LCOR: variants seen among roughly 807,000 people sequenced by gnomAD.
LCOR encodes ligand-dependent corepressor.
LCOR carries 14 observed loss-of-function variants against 64.4 expected under a neutral mutation model. The ratio of observed to expected loss-of-function variants is 0.22; its 90% CI spans 0.14 to 0.34. LCOR has a LOEUF of 0.34. Ranked by LOEUF, LCOR falls within the 10% of genes least tolerant of loss-of-function variation. The probability of loss-of-function intolerance (pLI) is 1.00; values close to 1 mark genes in which losing one functional copy is unlikely to be tolerated. For missense variants in LCOR, 1,686 were observed against 1,765.3 expected (o/e 0.96, Z 0.80); for synonymous variants, 643 against 642.5 (o/e 1.00, Z -0.01).
intron 2 of LCOR, among the ~76,000 whole-genome samples, chr10:96,881,478 T>C (rs1846262026): frequency 6.6e-6 from 1 of 151,618 alleles, no homozygotes; most frequent in Admixed American, 6.6e-5. Flanking sequence ...TTTTTTGAGA[T>C]GGAGTTTTGC....
At chr10:96,849,271 C>A (rs537150201) in intron 2 of LCOR, among the ~76,000 whole-genome samples, 1 of 152,016 alleles carries the variant, frequency 6.6e-6, no homozygotes, top group South Asian at 2.1e-4. Flanking sequence ...GACAGGGTTT[C>A]ACTGTGTTAG....
intron 7 of LCOR, chr10:96,959,187 G>A (rs989184612): frequency 7.2e-5 from 11 of 151,966 alleles, no homozygotes; most frequent in African/African-American, 2.4e-4. Flanking sequence ...CTAGTTTGGG[G>A]ATGTCCTCAC....
rs1328089100 is a variant in LCOR, at chr10:96,993,304, T to C, written c.*8170T>C. ...CCTCCCTTTGTCTTTTCTAAACAAA[T>C]GAGGCAGACACTTGAACAGTAATGC... is the stretch of plus-strand genomic sequence containing the variant. On this transcript the variant is annotated 3_prime_UTR_variant, in exon 8 of 8. Coordinates refer to ENST00000421806, the MANE Select transcript of LCOR (RefSeq NM_001346516.2). 6.6e-6 allele frequency: 1 copy of C among 152,226 alleles called. No homozygotes were observed. Among genetic ancestry groups the C allele is most frequent in the Non-Finnish European group, 1.5e-5 (1 of 68,038 alleles). The allele number at this position is 152,226 out of a possible 1,614,324, so 9.4% of individuals were successfully genotyped here.
chr10:96,914,257 C>T (rs148935066), intron 4 of LCOR, among the ~76,000 whole-genome samples: 9 of 152,284 alleles, frequency 5.9e-5, no homozygotes, highest in South Asian at 4.1e-4. Flanking sequence ...AGTACAGTGG[C>T]GCCATCTTGG....
intron 2 of LCOR, among the ~76,000 whole-genome samples, chr10:96,851,668 A>G (rs1405283670): frequency 1.3e-5 from 2 of 152,224 alleles, no homozygotes; most frequent in African/African-American, 2.4e-5. Context: ...GCCATCCAGA[A>G]GAATTCCTCC....
At chr10:96,959,172 A>C (rs1269529184) in intron 7 of LCOR, 1 of 151,958 alleles carries the variant, frequency 6.6e-6, no homozygotes, top group Non-Finnish European at 1.5e-5. Context: ...TTCAGTGTAG[A>C]TATTCTAGTT....
At chr10:96,840,966 T>A (rs1280322789) in intron 2 of LCOR, among the ~76,000 whole-genome samples, 1 of 152,036 alleles carries the variant, frequency 6.6e-6, no homozygotes, top group Non-Finnish European at 1.5e-5. Context: ...GGTGAAACCT[T>A]GTCTCCACAC....
chr10:96,901,350 T>A (rs1042220451), intron 2 of LCOR, among the ~76,000 whole-genome samples: 1 of 152,170 alleles, frequency 6.6e-6, no homozygotes, highest in East Asian at 1.9e-4. Flanking sequence ...AGCATTTACA[T>A]TTACCAGTGA....
At chr10:96,970,753 G>A (rs1054302517) in intron 7 of LCOR, among the ~76,000 whole-genome samples, 10 of 151,632 alleles carry the variant, frequency 6.6e-5, no homozygotes, top group Non-Finnish European at 1.0e-4. Flanking sequence ...TCTGCCTCCC[G>A]AGTTCAAGTG....
At position 96,987,953 on chromosome 10, in the gene LCOR, CA is replaced by C. The variant is rs1190687601; in HGVS notation, c.*2820del. Reference sequence around the variant, plus strand: ...GTCCATCCCACATTCCGATCCAAATCAGAAAGGAATTCTCCTGGGTGTACAC... The same window carrying C: ...GTCCATCCCACATTCCGATCCAAATCGAAAGGAATTCTCCTGGGTGTACAC... On this transcript the variant is annotated 3_prime_UTR_variant, in exon 8 of 8. Coordinates refer to ENST00000421806, the MANE Select transcript of LCOR (RefSeq NM_001346516.2). 1 of 152,244 alleles carries C rather than the reference CA, an allele frequency of 6.6e-6. No individual in the cohort carries two copies. Among genetic ancestry groups the C allele is most frequent in the Admixed American group, 6.5e-5 (1 of 15,288 alleles). 9.4% of individuals were successfully genotyped at this position (152,244 alleles called of 1,614,324 possible). A position where few individuals can be genotyped will look rare whatever the true frequency, so the allele number is the denominator to read the frequency against.
At chr10:96,883,880 T>C (rs1435015723) in intron 2 of LCOR, among the ~76,000 whole-genome samples, 1 of 152,238 alleles carries the variant, frequency 6.6e-6, no homozygotes, top group Non-Finnish European at 1.5e-5. Context: ...CCAACATGTT[T>C]TGATACATGT....
At chr10:96,915,175 C>G (rs1438363468) in intron 4 of LCOR, among the ~76,000 whole-genome samples, 2 of 152,050 alleles carry the variant, frequency 1.3e-5, no homozygotes, top group Admixed American at 6.5e-5. Flanking sequence ...CCCCTTCCCC[C>G]AAAAACGACA....
At chr10:96,842,191 C>T (rs533171629) in intron 2 of LCOR, among the ~76,000 whole-genome samples, 103 of 152,076 alleles carry the variant, frequency 6.8e-4, no homozygotes, top group African/African-American at 2.4e-3. Flanking sequence ...GTCAAGAGAT[C>T]GAGACCGTCC....
chr10:96,989,732 G>A lies in LCOR; in HGVS notation c.*4598G>A, dbSNP rs1461336462. 1 of 120,338 alleles carries A rather than the reference G, an allele frequency of 8.3e-6. No individual in the cohort carries two copies. 7.5% of individuals were successfully genotyped at this position (120,338 alleles called of 1,614,324 possible). A position where few individuals can be genotyped will look rare whatever the true frequency, so the allele number is the denominator to read the frequency against. ...TTTTTTTTTTTTTAATAGAGACGAG[G>A]TTACGCTATGTTGCCGAGGCTGATC... On this transcript the variant is annotated 3_prime_UTR_variant, in exon 8 of 8. Transcript: ENST00000421806.
At chr10:96,857,906 A>G (rs1054619306) in intron 2 of LCOR, among the ~76,000 whole-genome samples, 2 of 152,154 alleles carry the variant, frequency 1.3e-5, no homozygotes, top group Non-Finnish European at 2.9e-5. Flanking sequence ...CCCAGTCCCT[A>G]TTCCCTAACC....
intron 2 of LCOR, among the ~76,000 whole-genome samples, chr10:96,888,812 C>G (rs1846390076): frequency 1.3e-5 from 2 of 152,160 alleles, no homozygotes; most frequent in Non-Finnish European, 2.9e-5. Flanking sequence ...CCTGTGCTGT[C>G]TTTTCTAATT....
chr10:96,920,432 G>GTATATATATTCATATATA (rs1847030043), intron 4 of LCOR, among the ~76,000 whole-genome samples: 1 of 3,056 alleles, frequency 3.3e-4, no homozygotes. Flanking sequence ...TCATATATAT[G>GTATATATATTCATATATA]TGTATATATG....
At chr10:96,877,351 C>G (rs1198289895) in intron 2 of LCOR, among the ~76,000 whole-genome samples, 1 of 151,836 alleles carries the variant, frequency 6.6e-6, no homozygotes, top group Non-Finnish European at 1.5e-5. Context: ...TGGTGAAAAC[C>G]CTATCTCTAC....
Position 96,920,925 on chromosome 10 carries a change from G to A in LCOR, c.-184+13178G>A, listed in dbSNP as rs149827607. On this transcript the variant is annotated intron_variant, in intron 4 of 7. Coordinates refer to ENST00000421806, the MANE Select transcript of LCOR (RefSeq NM_001346516.2). The stretch of plus-strand genomic sequence containing the variant: ...TAATCCTCCTGCCTCAGCCTCCCAA[G>A]CAGCTGAGACCACAGGCACTTGCCA... Among the ~76,000 whole-genome samples, 711 of 151,962 alleles carry A rather than the reference G, an allele frequency of 4.7e-3. 7 individuals carry two copies. Among genetic ancestry groups the A allele is most frequent in the African/African-American group, 0.016 (673 of 41,438 alleles).
Sources: gnomAD v4.1 joint callset for allele counts (sites outside exome capture counted in the v4.1 genomes callset) on GRCh38, gnomAD v4.1.1 for gene constraint, MANE v1.5 for transcripts, NCBI Gene and HGNC (gene_info 2026-07-23, HGNC 2026-07-21) for gene names.